RNF150: variants seen among roughly 807,000 people sequenced by gnomAD.
RNF150 encodes ring finger protein 150.
Under a neutral mutation model 39.3 loss-of-function variants are expected in RNF150, and 24 were observed. The ratio of observed to expected loss-of-function variants is 0.61; its 90% CI spans 0.44 to 0.86. The LOEUF (loss-of-function observed/expected upper bound fraction) is 0.86. Among genes scored for constraint, RNF150 ranks in the 40% least tolerant of loss-of-function variants. RNF150 has a pLI of 0.00. For synonymous variants in RNF150, 255 were observed against 227.3 expected, an observed-to-expected ratio of 1.12 and a Z score of -1.10; for missense variants, 502 against 587.8, an observed-to-expected ratio of 0.85 and a Z score of 1.51.
chr4:141,164,938 A>G (rs1727575623), intron 1 of RNF150, among the ~76,000 whole-genome samples: 1 of 152,236 alleles, frequency 6.6e-6, no homozygotes, highest in Non-Finnish European at 1.5e-5. Flanking sequence ...AATCAAATTC[A>G]CACATAACAA....
intron 1 of RNF150, among the ~76,000 whole-genome samples, chr4:141,072,689 G>A (rs1261482987): frequency 6.6e-6 from 1 of 152,038 alleles, no homozygotes; most frequent in Non-Finnish European, 1.5e-5. Flanking sequence ...ACATAGACAG[G>A]TAGATGTGAA....
In RNF150 at chr4:140,866,328, AT is replaced by A. The variant is rs1267017499; in HGVS notation, c.*1932del. 10 of 152,194 alleles carry A rather than the reference AT, an allele frequency of 6.6e-5. No individual in the cohort carries two copies. Among genetic ancestry groups the A allele is most frequent in the Non-Finnish European group, 1.5e-4 (10 of 68,034 alleles). 9.4% of individuals were successfully genotyped at this position (152,194 alleles called of 1,614,324 possible). A position where few individuals can be genotyped will look rare whatever the true frequency, so the allele number is the denominator to read the frequency against. On this transcript the variant is annotated 3_prime_UTR_variant, in exon 7 of 7. Coordinates refer to ENST00000515673, the MANE Select transcript of RNF150 (RefSeq NM_020724.2). ...CACAGCCAGAGGAGCTTGGGGACTC[AT>A]GTTATTAAACCCTTCACATTATAGA...
At chr4:141,125,607 A>G (rs914372286) in intron 1 of RNF150, among the ~76,000 whole-genome samples, 2 of 152,212 alleles carry the variant, frequency 1.3e-5, no homozygotes, top group Non-Finnish European at 2.9e-5. Flanking sequence ...AAATGCAACA[A>G]TAATGGTTAA....
At chr4:140,994,481 A>C (rs1448536877) in intron 1 of RNF150, among the ~76,000 whole-genome samples, 4 of 150,826 alleles carry the variant, frequency 2.7e-5, no homozygotes, top group African/African-American at 7.3e-5. Context: ...ACACACACAC[A>C]ACACACACAC....
rs1351452003 is a variant in RNF150, at chr4:140,972,539, T to C, written c.485-4666A>G. Among the ~76,000 whole-genome samples, 3 of 152,222 alleles carry C rather than the reference T, an allele frequency of 2.0e-5. No individual in the cohort carries two copies. In the East Asian group the frequency reaches 5.8e-4, roughly 29 times the overall value. The stretch of plus-strand genomic sequence containing the variant: ...TCCAATATTGGGCCTTTCTTCCTTC[T>C]ACAGTATGAATGTTTTAGCTAGGCA... On this transcript the variant is annotated intron_variant, in intron 1 of 6. Transcript: ENST00000515673.
intron 1 of RNF150, among the ~76,000 whole-genome samples, chr4:141,126,051 T>C (rs974693354): frequency 6.6e-6 from 1 of 151,954 alleles, no homozygotes; most frequent in African/African-American, 2.4e-5. Context: ...GAATTTCTGC[T>C]AGTAGACAGG....
At chr4:140,954,850 T>A (rs1038894342) in intron 2 of RNF150, among the ~76,000 whole-genome samples, 5 of 152,178 alleles carry the variant, frequency 3.3e-5, no homozygotes, top group Admixed American at 2.0e-4. Context: ...ATAAAAAAAA[T>A]TTGGAACATA....
intron 5 of RNF150, among the ~76,000 whole-genome samples, chr4:140,918,566 C>A (rs1730952556): frequency 6.6e-6 from 1 of 151,894 alleles, no homozygotes; most frequent in Admixed American, 6.6e-5. Flanking sequence ...CAAAAAGAGT[C>A]CAGGTCCAGA....
chr4:141,065,229 G>C (rs7664294), intron 1 of RNF150, among the ~76,000 whole-genome samples: 150,449 of 152,314 alleles, frequency 0.99, 74,329 homozygotes, highest in East Asian at 1. Flanking sequence ...CAGCTTGCTT[G>C]TCTACAATCA....
At chr4:141,018,920 T>C (rs4245936) in intron 1 of RNF150, among the ~76,000 whole-genome samples, 139,587 of 151,646 alleles carry the variant, frequency 0.92, 65,141 homozygotes, top group Non-Finnish European at 1. Context: ...TGAAATATTA[T>C]ACAGGTTTTT....
At chr4:141,133,730 C>A (rs780333523), upstream of RNF150, among the ~76,000 whole-genome samples, 2 of 152,096 alleles carry the variant, frequency 1.3e-5, no homozygotes, top group Admixed American at 1.3e-4. Context: ...CTCTCGTAAA[C>A]GACCCTCCCG....
chr4:141,012,599 G>A (rs1735112333), intron 1 of RNF150, among the ~76,000 whole-genome samples: 1 of 151,846 alleles, frequency 6.6e-6, no homozygotes, highest in South Asian at 2.1e-4. Context: ...CAGATCATGA[G>A]GTCAAGAGAT....
At chr4:141,155,387 T>C (rs2111148055) in intron 1 of RNF150, among the ~76,000 whole-genome samples, 1 of 151,626 alleles carries the variant, frequency 6.6e-6, no homozygotes, top group East Asian at 2.0e-4. Context: ...CGTGAGCCAC[T>C]ACGACCGGCC....
intron 1 of RNF150, among the ~76,000 whole-genome samples, chr4:141,163,789 C>A (rs142938084): frequency 0.011 from 1,731 of 152,234 alleles, 18 homozygotes; most frequent in Middle Eastern, 0.027. Context: ...CACACAAAAA[C>A]CCCATCCAAA....
At chr4:141,000,700 G>A (rs879699423) in intron 1 of RNF150, among the ~76,000 whole-genome samples, 2 of 152,178 alleles carry the variant, frequency 1.3e-5, no homozygotes, top group Non-Finnish European at 2.9e-5. Context: ...CAAAGCAGAG[G>A]TAATGGGATT....
intron 1 of RNF150, among the ~76,000 whole-genome samples, chr4:141,189,416 C>T (rs1728067237): frequency 1.3e-5 from 2 of 152,206 alleles, no homozygotes; most frequent in African/African-American, 2.4e-5. Context: ...CTTAGCAGAG[C>T]TTGAGCACTG....
chr4:141,056,708 G>A (rs1736987422), intron 1 of RNF150, among the ~76,000 whole-genome samples: 1 of 151,566 alleles, frequency 6.6e-6, no homozygotes, highest in Admixed American at 6.6e-5. Flanking sequence ...AAGACATGAA[G>A]GCGTGAGGGA....
intron 1 of RNF150, among the ~76,000 whole-genome samples, chr4:141,003,602 CACACACGT>C (rs1734754078): frequency 7.2e-6 from 1 of 137,958 alleles, no homozygotes; most frequent in Non-Finnish European, 1.6e-5. Context: ...CACACACACA[CACACACGT>C]GTGCACACTC....
chr4:140,879,462 C>T (rs1729294289), intron 6 of RNF150, among the ~76,000 whole-genome samples: 1 of 151,698 alleles, frequency 6.6e-6, no homozygotes, highest in African/African-American at 2.4e-5. Context: ...AAGTTTATTC[C>T]TAAGTATTTT....
Sources: gnomAD v4.1 joint callset for allele counts (sites outside exome capture counted in the v4.1 genomes callset) on GRCh38, gnomAD v4.1.1 for gene constraint, MANE v1.5 for transcripts, NCBI Gene and HGNC (gene_info 2026-07-23, HGNC 2026-07-21) for gene names.